The following SPPL3 variants were observed in gnomAD, a reference collection of about 807,000 sequenced individuals.
SPPL3 encodes the protein signal peptide peptidase like 3.
SPPL3 carries 5 observed loss-of-function variants against 42.4 expected under a neutral mutation model. The observed-to-expected ratio is 0.12, with a 90% CI of 0.06 to 0.25. SPPL3 has a LOEUF of 0.25. Among genes scored for constraint, SPPL3 ranks in the 10% least tolerant of loss-of-function variants. SPPL3 has a pLI of 1.00. For missense variants in SPPL3, 235 were observed against 489.0 expected (o/e 0.48, Z 4.90); for synonymous variants, 195 against 181.8 (o/e 1.07, Z -0.58).
intron 1 of SPPL3, among the ~76,000 whole-genome samples, chr12:120,836,057 T>C (rs1410271706): frequency 6.6e-6 from 1 of 152,100 alleles, no homozygotes; most frequent in East Asian, 1.9e-4. Flanking sequence ...TTACAACAAA[T>C]CCAAGCAGAC....
intron 5 of SPPL3, 44 bp downstream of exon 5, chr12:120,783,630 T>C (rs1394756243): frequency 6.6e-7 from 1 of 1,519,184 alleles, no homozygotes; most frequent in Non-Finnish European, 9.0e-7. Context: ...GACAGAAAAA[T>C]ATATACAAGT....
intron 1 of SPPL3, among the ~76,000 whole-genome samples, chr12:120,828,372 TAAA>T (rs1480546760): frequency 1.4e-5 from 2 of 143,524 alleles, no homozygotes. Flanking sequence ...TACTGGAAAA[TAAA>T]AAAAGGTTCA....
chr12:120,890,686 T>C (rs1268985286), intron 1 of SPPL3, among the ~76,000 whole-genome samples: 2 of 151,694 alleles, frequency 1.3e-5, no homozygotes, highest in Non-Finnish European at 2.9e-5. Context: ...ACATTATTCA[T>C]GTCCTCAAAA....
rs1217292710 is a variant in SPPL3, at chr12:120,860,727, C to G, written c.23+43118G>C. On this transcript the variant is annotated intron_variant, in intron 1 of 10. Transcript: ENST00000353487. ...AGGGAGAGAGGAAGGAGAAATTAGT[C>G]TGGTACTTTGCTAGAAATAGTAAGA... Among the ~76,000 whole-genome samples, 3 of 152,084 alleles carry G rather than the reference C, an allele frequency of 2.0e-5. No individual in the cohort carries two copies. In the East Asian group the frequency reaches 5.8e-4, roughly 29 times the overall value.
intron 2 of SPPL3, among the ~76,000 whole-genome samples, chr12:120,795,777 A>G (rs940628047): frequency 6.6e-6 from 1 of 152,100 alleles, no homozygotes; most frequent in Non-Finnish European, 1.5e-5. Context: ...AAACTTGGCC[A>G]TTATTTCTTC....
At chr12:120,884,130 A>T (rs2137060056) in intron 1 of SPPL3, among the ~76,000 whole-genome samples, 1 of 152,094 alleles carries the variant, frequency 6.6e-6, no homozygotes, top group East Asian at 1.9e-4. Context: ...ATGCAGATGT[A>T]AATCTAGTTT....
At chr12:120,884,270 T>C (rs1172469204) in intron 1 of SPPL3, among the ~76,000 whole-genome samples, 1 of 152,136 alleles carries the variant, frequency 6.6e-6, no homozygotes, top group East Asian at 1.9e-4. Flanking sequence ...GGTAATCCTA[T>C]AGTTTCTTTA....
At position 120,852,803 on chromosome 12, in the gene SPPL3, C is replaced by CATG. The variant is rs1566060941; in HGVS notation, c.24-41918_24-41917insCAT. ...AAATATATTTCATATATCATATATACATATATGAAATATATATTTCATATA... is the reference window on the plus strand; with the variant it reads ...AAATATATTTCATATATCATATATACATGATATATGAAATATATATTTCATATA... On this transcript the variant is annotated intron_variant, in intron 1 of 10. Transcript: ENST00000353487. 2.1e-4 allele frequency among the ~76,000 whole-genome samples: 11 copies of CATG among 52,780 alleles called. 1 individual carries two copies. Among genetic ancestry groups the CATG allele is most frequent in the African/African-American group, 4.4e-4 (6 of 13,614 alleles). 34.6% of individuals were successfully genotyped at this position (52,780 alleles called of 152,430 possible).
chr12:120,900,261 CCA>C (rs768136098), intron 1 of SPPL3, among the ~76,000 whole-genome samples: 3 of 151,934 alleles, frequency 2.0e-5, no homozygotes, highest in African/African-American at 7.3e-5. Flanking sequence ...ACAACAGTCT[CCA>C]CAGTTTGGTT....
intron 1 of SPPL3, among the ~76,000 whole-genome samples, chr12:120,812,630 G>A (rs1421680279): frequency 1.3e-5 from 2 of 152,188 alleles, no homozygotes; most frequent in Non-Finnish European, 2.9e-5. Flanking sequence ...CAAATTGAAA[G>A]ATCAGGTAGA....
At chr12:120,853,696 T>C (rs932827007) in intron 1 of SPPL3, among the ~76,000 whole-genome samples, 8 of 152,122 alleles carry the variant, frequency 5.3e-5, no homozygotes, top group Non-Finnish European at 1.0e-4. Flanking sequence ...CAGATCGCTG[T>C]ACCTACCCCA....
intron 1 of SPPL3, among the ~76,000 whole-genome samples, chr12:120,840,277 CAAAAAAAA>C (rs533134400): frequency 9.1e-5 from 4 of 44,178 alleles, no homozygotes; most frequent in Non-Finnish European, 1.2e-4. Flanking sequence ...GACTCTGTCT[CAAAAAAAA>C]AAAAAAAAAA....
At chr12:120,794,420 CAG>C (rs1487526513) in intron 2 of SPPL3, among the ~76,000 whole-genome samples, 3 of 151,758 alleles carry the variant, frequency 2.0e-5, no homozygotes, top group Non-Finnish European at 4.4e-5. Flanking sequence ...TTTTTTGAGA[CAG>C]AGTCTCAATC....
chr12:120,814,024 G>C (rs1486725057), intron 1 of SPPL3, among the ~76,000 whole-genome samples: 1 of 151,956 alleles, frequency 6.6e-6, no homozygotes, highest in African/African-American at 2.4e-5. Flanking sequence ...CTTTTAACAG[G>C]TGAAATAATA....
At chr12:120,780,588 A>G (rs1322625842) in intron 6 of SPPL3, among the ~76,000 whole-genome samples, 1 of 65,002 alleles carries the variant, frequency 1.5e-5, no homozygotes, top group Non-Finnish European at 2.4e-5. Flanking sequence ...GTCTCTATTT[A>G]AAAAAAAAAA....
intron 2 of SPPL3, among the ~76,000 whole-genome samples, chr12:120,800,761 G>C (rs1202893013): frequency 3.3e-5 from 5 of 152,052 alleles, no homozygotes; most frequent in Non-Finnish European, 7.4e-5. Flanking sequence ...CCTACACTAA[G>C]AAAGAAAGAC....
intron 2 of SPPL3, among the ~76,000 whole-genome samples, chr12:120,803,166 A>G (rs1215498271): frequency 4.6e-5 from 7 of 152,316 alleles, no homozygotes; most frequent in African/African-American, 1.4e-4. Flanking sequence ...TGGCTGCTAC[A>G]AAGCTTATGG....
At chr12:120,805,882 A>C (rs543521467) in intron 2 of SPPL3, among the ~76,000 whole-genome samples, 2 of 152,296 alleles carry the variant, frequency 1.3e-5, no homozygotes, top group African/African-American at 4.8e-5. Context: ...TAAATTAAAG[A>C]ATATCTAAAT....
chr12:120,767,195 C>A (rs1868945072), intron 9 of SPPL3, among the ~76,000 whole-genome samples, 199 bp downstream of exon 9: 1 of 152,214 alleles, frequency 6.6e-6, no homozygotes, highest in Admixed American at 6.5e-5. Context: ...CAACGTTCTT[C>A]AGATACACAG....
Sources: gnomAD v4.1 joint callset for allele counts (sites outside exome capture counted in the v4.1 genomes callset) on GRCh38, gnomAD v4.1.1 for gene constraint, MANE v1.5 for transcripts, NCBI Gene and HGNC (gene_info 2026-07-23, HGNC 2026-07-21) for gene names.